The following PLAA variants were observed in gnomAD, a reference collection of about 807,000 sequenced individuals.
The protein encoded by PLAA is phospholipase A-2-activating protein.
A neutral mutation model predicts 84.1 loss-of-function variants in PLAA; 48 were observed. That is an observed-to-expected ratio of 0.57 (90% confidence interval 0.45 to 0.73). PLAA has a LOEUF of 0.73. Among genes scored for constraint, PLAA ranks in the 30% least tolerant of loss-of-function variants. PLAA has a pLI of 0.00. For missense variants in PLAA, 903 were observed against 954.7 expected, an observed-to-expected ratio of 0.95 and a Z score of 0.71; for synonymous variants, 392 against 336.6, an observed-to-expected ratio of 1.16 and a Z score of -1.80.
intron 13 of PLAA, among the ~76,000 whole-genome samples, chr9:26,907,141 G>GA (rs796119710): frequency 0.014 from 1,919 of 138,192 alleles, 38 homozygotes; most frequent in African/African-American, 0.048. Context: ...GACATAATTG[G>GA]AAAAAAAAAA....
At chr9:26,912,886 G>A (rs1824440252) in intron 11 of PLAA, among the ~76,000 whole-genome samples, 1 of 152,086 alleles carries the variant, frequency 6.6e-6, no homozygotes, top group South Asian at 2.1e-4. Flanking sequence ...CTTCAGTATT[G>A]CTAACCAATG....
At chr9:26,925,802 A>G in intron 6 of PLAA, 23 bp downstream of exon 6, 1 of 1,610,450 alleles carries the variant, frequency 6.2e-7, no homozygotes. Flanking sequence ...ATAACATTTA[A>G]TGATTGACTA....
chr9:26,937,508 A>G (rs1825398438), intron 1 of PLAA, among the ~76,000 whole-genome samples: 1 of 152,184 alleles, frequency 6.6e-6, no homozygotes, highest in African/African-American at 2.4e-5. Flanking sequence ...GCATACAAAT[A>G]AACAGAAAAG....
chr9:26,911,581 C>G (rs1165517981), intron 11 of PLAA, among the ~76,000 whole-genome samples: 1 of 152,172 alleles, frequency 6.6e-6, no homozygotes, highest in African/African-American at 2.4e-5. Context: ...AGCCACCAGG[C>G]CCGTCTGAGT....
intron 10 of PLAA, chr9:26,915,812 G>C: frequency 1.0e-6 from 1 of 985,324 alleles, no homozygotes; most frequent in Non-Finnish European, 1.2e-6. Context: ...TGATTTTGCT[G>C]GTATTAGTTG....
At chr9:26,908,402 G>A (rs146274459) in intron 12 of PLAA, among the ~76,000 whole-genome samples, 61 of 151,646 alleles carry the variant, frequency 4.0e-4, no homozygotes, top group African/African-American at 1.5e-3. Context: ...TCCTGACCTC[G>A]TGGTCCACCC....
At chr9:26,925,774 T>C in intron 6 of PLAA, 51 bp downstream of exon 6, 2 of 1,554,678 alleles carry the variant, frequency 1.3e-6, no homozygotes, top group Non-Finnish European at 1.8e-6. Context: ...CTCTAGTTCC[T>C]ACTGAAGGCC....
intron 1 of PLAA, among the ~76,000 whole-genome samples, chr9:26,941,854 G>C (rs554148790): frequency 1.3e-5 from 2 of 151,728 alleles, no homozygotes; most frequent in Non-Finnish European, 2.9e-5. Context: ...AGAGAAAGCA[G>C]CCAAAGAATT....
intron 10 of PLAA, among the ~76,000 whole-genome samples, chr9:26,914,397 A>T (rs1231093368): frequency 1.3e-5 from 2 of 152,118 alleles, no homozygotes; most frequent in Non-Finnish European, 2.9e-5. Context: ...AAAGAAGGAA[A>T]CTTAAAGAGT....
chr9:26,923,365 C>T lies in PLAA; in HGVS notation c.870-18G>A, dbSNP rs759005697. On this transcript the variant is annotated intron_variant, in intron 6 of 13. Transcript: ENST00000397292. ...TGCCATCACTGTAAGGAAAAATAAA[C>T]TGATTTTAGAAGTCATTGCCATAAT... 2.2e-5 allele frequency: 34 copies of T among 1,573,862 alleles called. No homozygotes were observed. In the South Asian group the frequency reaches 3.0e-4, roughly 14 times the overall value.
At chr9:26,934,295 T>C (rs539632759) in intron 2 of PLAA, among the ~76,000 whole-genome samples, 1 of 152,024 alleles carries the variant, frequency 6.6e-6, no homozygotes, top group East Asian at 1.9e-4. Context: ...TCACAGAAAA[T>C]AATATTCAAA....
At chr9:26,940,885 C>A (rs1281534714) in intron 1 of PLAA, among the ~76,000 whole-genome samples, 3 of 152,020 alleles carry the variant, frequency 2.0e-5, no homozygotes, top group South Asian at 4.1e-4. Flanking sequence ...CTTTTGAAAC[C>A]ATTTTATCAA....
chr9:26,920,015 T>C (rs1824706519), intron 8 of PLAA, among the ~76,000 whole-genome samples: 1 of 152,146 alleles, frequency 6.6e-6, no homozygotes. Context: ...TGACAGACAA[T>C]TGCTAATTTG....
In PLAA at chr9:26,905,593, T is replaced by C; in HGVS notation, c.2306A>G (p.Asp769Gly). 3 of 1,614,028 alleles carry C rather than the reference T, an allele frequency of 1.9e-6. No homozygotes were observed. The highest frequency in any genetic ancestry group is 2.5e-6 in the Non-Finnish European group (3 of 1,179,908). The change falls in exon 14 of 14, where the codon GAT (aspartate) becomes GGT (glycine). Residue 769 changes from aspartate to glycine, a missense_variant. By Grantham distance (94) the Asp-to-Gly change is moderately conservative. Transcript: ENST00000397292. ...TGAGGAATACTTTTTTATTTGAGAA[T>C]CAACACCTAAAGACTTGGCTAATTG... is the stretch of plus-strand genomic sequence containing the variant. ...AVQLAKSLGV[D>G]SQIKKYSSVS...
In PLAA at chr9:26,919,635, A is replaced by C. The variant is rs974387357; in HGVS notation, c.1198-106T>G. On this transcript the variant is annotated intron_variant, in intron 8 of 13. Transcript: ENST00000397292. ...GTGTTCTTTAATAATTACAGTACTT[A>C]AACTTTCTCCAAAGTGCAGTGCTAA... 7.3e-6 allele frequency: 5 copies of C among 683,812 alleles called. No homozygotes were observed. The East Asian group carries it at 7.5e-5, about 10-fold the overall frequency. 42.4% of individuals were successfully genotyped at this position (683,812 alleles called of 1,614,324 possible). A position where few individuals can be genotyped will look rare whatever the true frequency, so the allele number is the denominator to read the frequency against.
chr9:26,942,522 A>C (rs1338103763), intron 1 of PLAA, among the ~76,000 whole-genome samples: 1 of 152,268 alleles, frequency 6.6e-6, no homozygotes, highest in Non-Finnish European at 1.5e-5. Context: ...ATTATTAGCC[A>C]CATGCAGATC....
intron 1 of PLAA, among the ~76,000 whole-genome samples, chr9:26,945,026 C>CTGAG (rs974254610): frequency 4.6e-5 from 7 of 152,204 alleles, no homozygotes; most frequent in African/African-American, 1.7e-4. Context: ...TCTTGGGAGG[C>CTGAG]TGAGGCAAGA....
At chr9:26,915,154 G>A (rs779711890) in intron 10 of PLAA, among the ~76,000 whole-genome samples, 1 of 151,990 alleles carries the variant, frequency 6.6e-6, no homozygotes, top group South Asian at 2.1e-4. Flanking sequence ...AGAGTTTGTG[G>A]TGAGCTGAGA....
At chr9:26,933,716 G>A (rs1030035928) in intron 2 of PLAA, among the ~76,000 whole-genome samples, 3 of 149,216 alleles carry the variant, frequency 2.0e-5, no homozygotes, top group African/African-American at 7.4e-5. Flanking sequence ...GTGAGCCCGG[G>A]AGGCAGAGCT....
Sources: allele counts gnomAD v4.1 joint callset (sites outside exome capture counted in the v4.1 genomes callset), GRCh38; gene constraint gnomAD v4.1.1; transcripts MANE v1.5; gene names NCBI Gene and HGNC (gene_info 2026-07-23, HGNC 2026-07-21).